The following GTPBP6 variants were observed in gnomAD, a reference collection of about 807,000 sequenced individuals.
GTPBP6 encodes putative GTP-binding protein 6.
A neutral mutation model predicts 28.9 loss-of-function variants in GTPBP6; 33 were observed. The ratio of observed to expected loss-of-function variants is 1.14; its 90% CI spans 0.87 to 1.53. The LOEUF is 1.53. GTPBP6 is among the 40% of genes most tolerant of loss of function. GTPBP6 has a pLI of 0.00. For missense variants in GTPBP6, 507 were observed against 408.3 expected (o/e 1.24, Z -2.08); for synonymous variants, 231 against 192.7 (o/e 1.20, Z -1.65).
Position 307,895 on chromosome X carries a change from G to A in GTPBP6, c.1126-15C>T, listed in dbSNP as rs372203290. On this transcript the variant is annotated splice_polypyrimidine_tract_variant and intron_variant, in intron 7 of 9. Transcript: ENST00000326153. ...AAGATGAGATCCTGTGGGCCGGGCC[G>A]TGGGGTCAGAGCTGCGGAGCCTCTG... is the stretch of plus-strand genomic sequence containing the variant. 30 of 1,505,388 alleles carry A rather than the reference G, an allele frequency of 2.0e-5. No individual in the cohort carries two copies. The highest frequency in any genetic ancestry group is 4.7e-5 in the Admixed American group (2 of 42,742). 93.3% of individuals were successfully genotyped at this position (1,505,388 alleles called of 1,614,324 possible).
chrX:310,364 C>G (rs2070260384), intron 7 of GTPBP6, among the ~76,000 whole-genome samples: 1 of 131,072 alleles, frequency 7.6e-6, no homozygotes, highest in Non-Finnish European at 1.6e-5. Context: ...ACGCCTGGAG[C>G]CCCCAGGAGC....
intron 6 of GTPBP6, 29 bp from the exon 7 acceptor site, chrX:311,656 C>T (rs2070302874): frequency 6.4e-7 from 1 of 1,556,650 alleles, no homozygotes; most frequent in Non-Finnish European, 8.9e-7. Flanking sequence ...CAGGGCGCTG[C>T]AGAGATCCCT....
At chrX:313,711 C>T (rs911632366) in intron 5 of GTPBP6, among the ~76,000 whole-genome samples, 33 of 149,886 alleles carry the variant, frequency 2.2e-4, no homozygotes, top group African/African-American at 2.2e-4. Flanking sequence ...CACGTGGAGA[C>T]GGAGGCAGAG....
rs778024649 is a variant in GTPBP6, at chrX:307,045, G to A, written c.1427+315C>T. On this transcript the variant is annotated intron_variant, in intron 9 of 9. Transcript: ENST00000326153. ...GCAACTGTTGTATGCAGTCAGAAAT[G>A]TATTTTTACTGTCAAGCACAGATTA... is the stretch of plus-strand genomic sequence containing the variant. Among the ~76,000 whole-genome samples the A allele has an allele frequency of 1.8e-4, 26 of 148,350 alleles. No homozygotes were observed. The South Asian group carries it at 3.0e-3, about 17-fold the overall frequency.
At chrX:316,626 C>A (rs1250789567) in intron 2 of GTPBP6, among the ~76,000 whole-genome samples, 2 of 152,172 alleles carry the variant, frequency 1.3e-5, no homozygotes, top group Non-Finnish European at 2.9e-5. Flanking sequence ...GGTGGGGTTA[C>A]AGCCGGTCCA....
intron 7 of GTPBP6, among the ~76,000 whole-genome samples, chrX:310,110 C>T (rs1419578033): frequency 8.2e-6 from 1 of 121,876 alleles, no homozygotes; most frequent in African/African-American, 3.1e-5. Context: ...TGAACTGTGG[C>T]CCCCCACAAA....
At chrX:305,469 A>G (rs28594308) in intron 9 of GTPBP6, among the ~76,000 whole-genome samples, 1 of 147,488 alleles carries the variant, frequency 6.8e-6, no homozygotes, top group Admixed American at 6.7e-5. Context: ...CTACAGGTGC[A>G]TGCCACCACA....
chrX:306,834 A>G (rs1471350083), intron 9 of GTPBP6, among the ~76,000 whole-genome samples: 2 of 150,706 alleles, frequency 1.3e-5, no homozygotes, highest in Admixed American at 6.6e-5. Flanking sequence ...TCAGAAATGT[A>G]TATTTTGAGT....
exon 3 of GTPBP6, chrX:315,275 A>G (rs1240106905): frequency 2.5e-6 from 1 of 398,506 alleles, no homozygotes; most frequent in Non-Finnish European, 4.4e-6. Flanking sequence ...GACGCACGTG[A>G]TGTCTGGAGA....
intron 5 of GTPBP6, 69 bp from the exon 6 acceptor site, chrX:312,993 G>T (rs1448089101): frequency 1.4e-6 from 2 of 1,442,718 alleles, no homozygotes; most frequent in East Asian, 2.3e-5. Flanking sequence ...GCGGTGCCGC[G>T]GAGGGTCTGC....
At chrX:317,554 C>CTGGGGGGTGGGGGTGGGGGTGGGGG (rs2070459725) in intron 1 of GTPBP6, among the ~76,000 whole-genome samples, 1 of 59,662 alleles carries the variant, frequency 1.7e-5, no homozygotes, top group Admixed American at 1.8e-4. Context: ...GCATTTCCTC[C>CTGGGGGGTGGGGGTGGGGGTGGGGG]TGGGGGGTGG....
At chrX:315,563 C>G (rs2070415548) in intron 2 of GTPBP6, among the ~76,000 whole-genome samples, 1 of 131,422 alleles carries the variant, frequency 7.6e-6, no homozygotes, top group African/African-American at 4.2e-5. Flanking sequence ...GACACACACA[C>G]ACACACACAC....
Position 314,888 on chromosome X carries a change from A to G in GTPBP6, c.689+2T>C. The G allele has an allele frequency of 2.5e-6, 1 of 398,950 alleles. No individual in the cohort carries two copies. The highest frequency in any genetic ancestry group is 4.4e-6 in the Non-Finnish European group (1 of 226,320). 24.7% of individuals were successfully genotyped at this position (398,950 alleles called of 1,614,324 possible). A position where few individuals can be genotyped will look rare whatever the true frequency, so the allele number is the denominator to read the frequency against. ...CGGCGCGGCCCAGGGGCCCCACGAT[A>G]CCTGTGCAGCGGCATCTCCGCCAGG... On this transcript the variant is annotated splice_donor_variant, in intron 4 of 9. Coordinates refer to ENST00000326153, the Ensembl canonical transcript of GTPBP6. LOFTEE classifies it high-confidence loss of function.
At chrX:307,985 C>G (rs2070209055) in intron 7 of GTPBP6, 105 bp from the exon 8 acceptor site, 1 of 1,058,674 alleles carries the variant, frequency 9.4e-7, no homozygotes, top group Non-Finnish European at 1.3e-6. Context: ...CAACGACAGG[C>G]TGGGCATGGG....
chrX:315,340 C>G (rs9646383), intron 2 of GTPBP6, 41 bp from the exon 3 acceptor site: 270,477 of 398,106 alleles, frequency 0.68, 92,974 homozygotes, highest in Non-Finnish European at 0.71. Flanking sequence ...TGGCCGTCCA[C>G]ACCCGTGGAC....
chrX:309,221 T>C (rs1196385176), intron 7 of GTPBP6, among the ~76,000 whole-genome samples: 2 of 152,168 alleles, frequency 1.3e-5, no homozygotes, highest in African/African-American at 4.8e-5. Context: ...TGACAATATT[T>C]CCCCGTGCTC....
intron 1 of GTPBP6, 111 bp downstream of exon 1, chrX:318,328 G>T: frequency 2.7e-6 from 1 of 363,662 alleles, no homozygotes. Context: ...CTATGAGATC[G>T]TCCCTTCAGA....
chrX:304,972 G>A, exon 10 of GTPBP6: 1 of 1,526,098 alleles, frequency 6.6e-7, no homozygotes, highest in East Asian at 2.4e-5. Flanking sequence ...AGACAAGGAG[G>A]ACCCTGCTGC....
chrX:311,627 C>T (rs1343871269), exon 7 of GTPBP6: 2 of 1,610,676 alleles, frequency 1.2e-6, no homozygotes, highest in Non-Finnish European at 1.7e-6. Context: ...CGTGGTCTTT[C>T]CTAGGAGGGC....
Sources: allele counts gnomAD v4.1 joint callset (sites outside exome capture counted in the v4.1 genomes callset), GRCh38; gene constraint gnomAD v4.1.1; transcripts MANE v1.5; gene names NCBI Gene and HGNC (gene_info 2026-07-23, HGNC 2026-07-21).